Variants in TRIT1 observed in about 807,000 individuals in gnomAD.
TRIT1 encodes tRNA isopentenyltransferase 1, also known as tRNA dimethylallyltransferase.
A neutral mutation model predicts 51.2 loss-of-function variants in TRIT1; 43 were observed. The observed-to-expected ratio is 0.84, with a 90% CI of 0.66 to 1.08. The LOEUF (loss-of-function observed/expected upper bound fraction) is 1.08. TRIT1 is among the 50% of genes least tolerant of loss of function. The probability of loss-of-function intolerance (pLI) is 0.00; values close to 1 mark genes in which losing one functional copy is unlikely to be tolerated. For synonymous variants in TRIT1, 184 were observed against 203.9 expected (o/e 0.90, Z 0.83); for missense variants, 528 against 578.4 (o/e 0.91, Z 0.89).
intron 1 of TRIT1, among the ~76,000 whole-genome samples, chr1:39,879,065 C>A (rs959620616): frequency 6.6e-6 from 1 of 151,868 alleles, no homozygotes; most frequent in Non-Finnish European, 1.5e-5. Flanking sequence ...GTCAAGAGAT[C>A]GAGACCATCC....
intron 1 of TRIT1, among the ~76,000 whole-genome samples, chr1:39,872,389 A>G (rs1643907432): frequency 6.6e-6 from 1 of 152,100 alleles, no homozygotes; most frequent in African/African-American, 2.4e-5. Flanking sequence ...CTGTAAGGAT[A>G]AAAACAAACA....
At chr1:39,860,139 A>G (rs1181098874) in intron 1 of TRIT1, among the ~76,000 whole-genome samples, 2 of 152,274 alleles carry the variant, frequency 1.3e-5, no homozygotes, top group Non-Finnish European at 2.9e-5. Context: ...TATCAGGAAG[A>G]AGAAAAGAGT....
At chr1:39,858,593 TAAAGGAG>T (rs1350192063) in intron 1 of TRIT1, among the ~76,000 whole-genome samples, 8 of 152,192 alleles carry the variant, frequency 5.3e-5, no homozygotes, top group Non-Finnish European at 1.0e-4. Context: ...TCACAATAAC[TAAAGGAG>T]AAAGGGAAAT....
At chr1:39,862,904 C>T (rs1480565178) in intron 1 of TRIT1, 2 of 985,330 alleles carry the variant, frequency 2.0e-6, no homozygotes, top group Admixed American at 1.2e-4. Flanking sequence ...CACTCTGCTC[C>T]ATTTCCCCTT....
At chr1:39,873,141 C>T (rs201878567) in intron 1 of TRIT1, among the ~76,000 whole-genome samples, 3 of 152,058 alleles carry the variant, frequency 2.0e-5, no homozygotes, top group East Asian at 3.8e-4. Context: ...AGACTAGGTA[C>T]TGTCATTTTA....
intron 4 of TRIT1, among the ~76,000 whole-genome samples, chr1:39,851,401 G>C (rs1642560932): frequency 6.6e-6 from 1 of 152,068 alleles, no homozygotes; most frequent in African/African-American, 2.4e-5. Flanking sequence ...TAAACACCAA[G>C]CTCTAGAATC....
At chr1:39,880,291 AAAG>A (rs1330297385) in intron 1 of TRIT1, among the ~76,000 whole-genome samples, 12 of 150,830 alleles carry the variant, frequency 8.0e-5, no homozygotes, top group Admixed American at 2.0e-4. Flanking sequence ...AAAAAAAAAA[AAAG>A]AAGAAACTGT....
At chr1:39,853,404 T>G (rs1642703718) in intron 3 of TRIT1, among the ~76,000 whole-genome samples, 1 of 81,194 alleles carries the variant, frequency 1.2e-5, no homozygotes, top group Non-Finnish European at 2.5e-5. Flanking sequence ...ATCGCATCTG[T>G]TTTTTTTTTT....
intron 1 of TRIT1, among the ~76,000 whole-genome samples, chr1:39,882,974 T>C (rs1644309486): frequency 6.6e-6 from 1 of 152,230 alleles, no homozygotes; most frequent in Non-Finnish European, 1.5e-5. Context: ...ATTTACTGGA[T>C]ACCTATCTGT....
chr1:39,883,271 G>A (rs1399926326), intron 1 of TRIT1, 47 bp downstream of exon 1: 3 of 1,564,484 alleles, frequency 1.9e-6, no homozygotes, highest in East Asian at 2.4e-5. Context: ...GGGTGTCCAC[G>A]CGGCCTCCGG....
chr1:39,868,590 G>C (rs563933651), intron 1 of TRIT1, among the ~76,000 whole-genome samples: 1 of 147,442 alleles, frequency 6.8e-6, no homozygotes, highest in Non-Finnish European at 1.5e-5. Flanking sequence ...GTTGCAGTGA[G>C]CCAAGATCGC....
intron 5 of TRIT1, among the ~76,000 whole-genome samples, chr1:39,849,542 C>G (rs1156318531): frequency 6.6e-6 from 1 of 152,176 alleles, no homozygotes; most frequent in African/African-American, 2.4e-5. Context: ...AATAGACAGA[C>G]AGATAGTATC....
intron 5 of TRIT1, 104 bp downstream of exon 5, chr1:39,850,014 TA>T: frequency 8.5e-7 from 1 of 1,169,934 alleles, no homozygotes; most frequent in Non-Finnish European, 1.2e-6. Flanking sequence ...AATACTTGTT[TA>T]GTGTTTATTA....
chr1:39,847,224 C>CA lies in TRIT1; in HGVS notation c.1001dup (p.Leu334PhefsTer18). 6.2e-7 allele frequency: 1 copy of CA among 1,613,964 alleles called. No individual in the cohort carries two copies. Among genetic ancestry groups the CA allele is most frequent in the Non-Finnish European group, 8.5e-7 (1 of 1,179,932 alleles). On this transcript the variant is annotated frameshift_variant, in exon 8 of 11. Transcript: ENST00000316891. LOFTEE classifies it high-confidence loss of function. ...AAAGAAAAACATGAGACTTACTGCT[C>CA]AAAAAACGGTTTTTAACCCATCGGT... is the stretch of plus-strand genomic sequence containing the variant.
chr1:39,876,551 T>C (rs1644060976), intron 1 of TRIT1, among the ~76,000 whole-genome samples: 3 of 148,432 alleles, frequency 2.0e-5, no homozygotes, highest in African/African-American at 7.4e-5. Context: ...TATCTATCTA[T>C]CTATCTATAT....
chr1:39,844,298 C>G (rs1394031784), intron 9 of TRIT1, 80 bp from the exon 10 acceptor site: 33 of 1,246,844 alleles, frequency 2.6e-5, no homozygotes, highest in South Asian at 6.5e-5. Flanking sequence ...ATGGGATTTT[C>G]CTAAAATTCC....
intron 3 of TRIT1, among the ~76,000 whole-genome samples, 174 bp from the exon 4 acceptor site, chr1:39,853,050 C>T (rs1374151561): frequency 6.6e-6 from 1 of 152,090 alleles, no homozygotes; most frequent in African/African-American, 2.4e-5. Flanking sequence ...GAGGCCACAG[C>T]AAACAAAAAA....
At chr1:39,883,217 G>C (rs1644317273) in intron 1 of TRIT1, 101 bp downstream of exon 1, 1 of 1,297,692 alleles carries the variant, frequency 7.7e-7, no homozygotes, top group South Asian at 1.4e-5. Context: ...TACCCCCTCC[G>C]CCCCTACAAG....
At chr1:39,847,186 A>G (rs1333281208) in intron 8 of TRIT1, 34 bp downstream of exon 8, 6 of 1,574,726 alleles carry the variant, frequency 3.8e-6, no homozygotes, top group Non-Finnish European at 4.4e-6. Flanking sequence ...TATTGAAAAC[A>G]GACCCATAGG....
Sources: allele counts gnomAD v4.1 joint callset (sites outside exome capture counted in the v4.1 genomes callset), GRCh38; gene constraint gnomAD v4.1.1; transcripts MANE v1.5; gene names NCBI Gene and HGNC (gene_info 2026-07-23, HGNC 2026-07-21).